RABGAP1L: variants seen among roughly 807,000 people sequenced by gnomAD.
RABGAP1L encodes RAB GTPase activating protein 1 like, also known as rab GTPase-activating protein 1-like.
In RABGAP1L, 63 loss-of-function variants were observed where a neutral mutation model predicts 137.7. That is an observed-to-expected ratio of 0.46 (90% confidence interval 0.37 to 0.56). The LOEUF (loss-of-function observed/expected upper bound fraction) is 0.56. Ranked by LOEUF, RABGAP1L falls within the 20% of genes least tolerant of loss-of-function variation. The pLI, the probability that RABGAP1L is intolerant of heterozygous loss-of-function variation, is 0.00. For missense variants in RABGAP1L, 1,095 were observed against 1,244.0 expected (o/e 0.88, Z 1.80); for synonymous variants, 431 against 433.7 (o/e 0.99, Z 0.08).
rs567733939 is a variant in RABGAP1L, at chr1:174,752,434, CTT to C, written c.2211+82_2211+83del. 329 of 1,053,386 alleles carry C rather than the reference CTT, an allele frequency of 3.1e-4. 1 individual carries two copies. The African/African-American group carries it at 5.1e-3, about 16-fold the overall frequency. The allele number at this position is 1,053,386 out of a possible 1,614,324, so 65.3% of individuals were successfully genotyped here. On this transcript the variant is annotated intron_variant, in intron 18 of 25. Transcript: ENST00000681986. The stretch of plus-strand genomic sequence containing the variant: ...GAACTGGAATAATTCAATTTACAGT[CTT>C]TGACTCATTTCAGTTTCTCAGACAC...
At chr1:174,544,823 A>C (rs1202932466) in intron 13 of RABGAP1L, 1 of 169,814 alleles carries the variant, frequency 5.9e-6, no homozygotes, top group East Asian at 1.9e-4. Flanking sequence ...TCCTTCTAAC[A>C]GTCACGACCC....
chr1:174,813,386 G>A lies in RABGAP1L; in HGVS notation c.2340+1426G>A, dbSNP rs148653382. 1.4e-4 allele frequency among the ~76,000 whole-genome samples: 22 copies of A among 152,196 alleles called. No homozygotes were observed. The East Asian group carries it at 2.9e-3, about 20-fold the overall frequency. ...AATGATTGCACTGATTTTGAACTAC[G>A]CAACTAGGAGATAAGAGTCACCATC... On this transcript the variant is annotated intron_variant, in intron 19 of 25. Transcript: ENST00000681986.
chr1:174,186,085 G>A (rs565887832), intron 1 of RABGAP1L, among the ~76,000 whole-genome samples: 5 of 151,542 alleles, frequency 3.3e-5, no homozygotes, highest in South Asian at 4.2e-4. Context: ...CGGAGGTTGC[G>A]GTGAGCCGAG....
intron 13 of RABGAP1L, among the ~76,000 whole-genome samples, chr1:174,562,089 T>C (rs1667254721): frequency 6.6e-6 from 1 of 152,036 alleles, no homozygotes; most frequent in Non-Finnish European, 1.5e-5. Context: ...TTGGAGAAAA[T>C]TTTTGCAATC....
At chr1:174,529,523 A>G (rs560588679) in intron 13 of RABGAP1L, among the ~76,000 whole-genome samples, 2 of 152,196 alleles carry the variant, frequency 1.3e-5, no homozygotes, top group African/African-American at 4.8e-5. Flanking sequence ...TTTGGGGCCT[A>G]GTGGTGGCAG....
At chr1:174,723,157 C>CTCCA (rs1681711704) in intron 17 of RABGAP1L, among the ~76,000 whole-genome samples, 1 of 152,156 alleles carries the variant, frequency 6.6e-6, no homozygotes, top group African/African-American at 2.4e-5. Flanking sequence ...CCACTGCAAT[C>CTCCA]TCCACCTCCT....
chr1:174,276,174 A>C (rs1416906648), intron 9 of RABGAP1L, among the ~76,000 whole-genome samples: 1 of 152,070 alleles, frequency 6.6e-6, no homozygotes, highest in Admixed American at 6.6e-5. Flanking sequence ...ACAGGGTCTC[A>C]CTCTGTTGCC....
intron 13 of RABGAP1L, among the ~76,000 whole-genome samples, chr1:174,560,954 T>C (rs1306013333): frequency 6.6e-6 from 1 of 152,206 alleles, no homozygotes; most frequent in Non-Finnish European, 1.5e-5. Context: ...CTTCTTGTAA[T>C]GCAATTAGTC....
At chr1:174,876,756 A>C (rs372395278) in intron 19 of RABGAP1L, among the ~76,000 whole-genome samples, 1 of 152,200 alleles carries the variant, frequency 6.6e-6, no homozygotes, top group Non-Finnish European at 1.5e-5. Flanking sequence ...CTGAATAACA[A>C]CACAAAACTA....
At chr1:174,325,935 C>T (rs1457869869) in intron 11 of RABGAP1L, among the ~76,000 whole-genome samples, 1 of 152,232 alleles carries the variant, frequency 6.6e-6, no homozygotes, top group African/African-American at 2.4e-5. Flanking sequence ...CCTAGGGGCC[C>T]TTCAGGGACC....
intron 19 of RABGAP1L, among the ~76,000 whole-genome samples, chr1:174,870,004 C>CT (rs781590906): frequency 5.1e-4 from 77 of 152,270 alleles, no homozygotes; most frequent in Non-Finnish European, 9.0e-4. Flanking sequence ...CCCAAACAGA[C>CT]TAAGACAGTC....
intron 13 of RABGAP1L, among the ~76,000 whole-genome samples, chr1:174,546,206 G>T (rs1040268838): frequency 1.3e-5 from 2 of 152,090 alleles, no homozygotes; most frequent in African/African-American, 4.8e-5. Context: ...AGTAGAAACT[G>T]GAAAAATTTC....
chr1:174,290,844 C>T (rs1304622703), intron 10 of RABGAP1L, among the ~76,000 whole-genome samples: 1 of 151,750 alleles, frequency 6.6e-6, no homozygotes, highest in Non-Finnish European at 1.5e-5. Flanking sequence ...TCACTGCAGC[C>T]TCTGCCTCCT....
intron 19 of RABGAP1L, among the ~76,000 whole-genome samples, chr1:174,839,099 T>G (rs931939698): frequency 6.7e-6 from 1 of 149,290 alleles, no homozygotes; most frequent in Non-Finnish European, 1.5e-5. Flanking sequence ...ATTGTATCTG[T>G]GGGGGAAGAG....
chr1:174,794,056 G>A (rs533459159), intron 18 of RABGAP1L, among the ~76,000 whole-genome samples: 4 of 152,214 alleles, frequency 2.6e-5, no homozygotes, highest in South Asian at 4.2e-4. Flanking sequence ...ACACTACCAC[G>A]ATGGCACCAC....
At position 174,643,916 on chromosome 1, in the gene RABGAP1L, G is replaced by GGTGT. The variant is rs553946714; in HGVS notation, c.1824+6451_1824+6454dup. Among the ~76,000 whole-genome samples, 366 of 145,706 alleles carry GGTGT rather than the reference G, an allele frequency of 2.5e-3. 1 individual carries two copies. Among genetic ancestry groups the GGTGT allele is most frequent in the Non-Finnish European group, 3.7e-3 (242 of 65,844 alleles). On this transcript the variant is annotated intron_variant, in intron 14 of 25. Coordinates refer to ENST00000681986, the MANE Select transcript of RABGAP1L (RefSeq NM_001366446.1). ...AGTTGAAAAACTTCACTTATATAGGGGTGTGTGTGTGTGTGTGTGTGTGTG... is the reference window on the plus strand; with the variant it reads ...AGTTGAAAAACTTCACTTATATAGGGGTGTGTGTGTGTGTGTGTGTGTGTGTGTG...
At chr1:174,492,503 A>G (rs1660352370) in intron 13 of RABGAP1L, among the ~76,000 whole-genome samples, 1 of 151,360 alleles carries the variant, frequency 6.6e-6, no homozygotes, top group African/African-American at 2.4e-5. Flanking sequence ...ACATGCCACC[A>G]CTCTCGGCTA....
intron 13 of RABGAP1L, among the ~76,000 whole-genome samples, chr1:174,437,483 A>G (rs1300915233): frequency 6.6e-6 from 1 of 152,186 alleles, no homozygotes; most frequent in Non-Finnish European, 1.5e-5. Context: ...TGGAAGACGA[A>G]ATGAATAAAA....
chr1:174,727,261 G>T (rs973929677), intron 17 of RABGAP1L, among the ~76,000 whole-genome samples: 3 of 152,148 alleles, frequency 2.0e-5, no homozygotes, highest in African/African-American at 7.2e-5. Context: ...AGACACCTTT[G>T]TTAAGAATCA....
Sources: gnomAD v4.1 joint callset for allele counts (sites outside exome capture counted in the v4.1 genomes callset) on GRCh38, gnomAD v4.1.1 for gene constraint, MANE v1.5 for transcripts, NCBI Gene and HGNC (gene_info 2026-07-23, HGNC 2026-07-21) for gene names.